The following NTN1 variants were observed in gnomAD, a reference collection of about 807,000 sequenced individuals.
NTN1 encodes the protein netrin 1.
A neutral mutation model predicts 54.2 loss-of-function variants in NTN1; 11 were observed. The ratio of observed to expected loss-of-function variants is 0.20; its 90% confidence interval spans 0.13 to 0.34. The LOEUF is 0.34. NTN1 is among the 10% of genes least tolerant of loss of function. The pLI is 1.00. For missense variants in NTN1, 740 were observed against 893.1 expected (o/e 0.83, Z 2.18); for synonymous variants, 371 against 382.0 (o/e 0.97, Z 0.33).
At chr17:9,142,708 G>A (rs1597503981) in intron 2 of NTN1, among the ~76,000 whole-genome samples, 1 of 151,994 alleles carries the variant, frequency 6.6e-6, no homozygotes, top group Admixed American at 6.6e-5. Flanking sequence ...TAGGCCCTGG[G>A]GTTAATCTGT....
chr17:9,119,763 A>G (rs1028995269), intron 2 of NTN1, among the ~76,000 whole-genome samples: 3 of 152,004 alleles, frequency 2.0e-5, no homozygotes, highest in Non-Finnish European at 4.4e-5. Context: ...CTCCTAAAGT[A>G]TTGGGATTAA....
chr17:9,090,605 G>A (rs540758275), intron 2 of NTN1, among the ~76,000 whole-genome samples: 56 of 152,248 alleles, frequency 3.7e-4, no homozygotes, highest in African/African-American at 1.3e-3. Flanking sequence ...TATAAAGGCT[G>A]AGAGTGCAGG....
At chr17:9,213,087 G>A (rs1170758620) in intron 5 of NTN1, among the ~76,000 whole-genome samples, 1 of 152,216 alleles carries the variant, frequency 6.6e-6, no homozygotes, top group East Asian at 1.9e-4. Context: ...GCTCTTGGCT[G>A]TGGGTCGGTC....
chr17:9,177,922 C>T (rs1411456569), intron 3 of NTN1: 1 of 152,246 alleles, frequency 6.6e-6, no homozygotes, highest in Non-Finnish European at 1.5e-5. Flanking sequence ...TGGCTGGTCG[C>T]GGTGGCTCAC....
At position 9,236,134 on chromosome 17, in the gene NTN1, G is replaced by T. The variant is rs375057891; in HGVS notation, c.1487-3506G>T. On this transcript the variant is annotated intron_variant, in intron 6 of 6. Coordinates refer to ENST00000173229, the MANE Select transcript of NTN1 (RefSeq NM_004822.3). ...TCCAACATAAGAATTTGGGGGGGGG[G>T]GTACTAACATTAAAACCTTGATAGG... Among the ~76,000 whole-genome samples, 766 of 147,852 alleles carry T rather than the reference G, an allele frequency of 5.2e-3. 10 individuals are homozygous for T. The highest frequency in any genetic ancestry group is 0.018 in the African/African-American group (738 of 40,122).
At chr17:9,224,360 T>TG (rs1156777232) in intron 6 of NTN1, among the ~76,000 whole-genome samples, 4 of 151,772 alleles carry the variant, frequency 2.6e-5, no homozygotes, top group Non-Finnish European at 5.9e-5. Context: ...CCCTGGGCAA[T>TG]GGGGGGCATC....
chr17:9,022,115 G>A (rs1466147861), intron 1 of NTN1, among the ~76,000 whole-genome samples, 196 bp from the exon 2 acceptor site: 1 of 152,138 alleles, frequency 6.6e-6, no homozygotes, highest in African/African-American at 2.4e-5. Flanking sequence ...GGGCGGGGAA[G>A]AAGGGGCGCG....
the NTN1 span, among the ~76,000 whole-genome samples, chr17:9,007,119 TC>T: frequency 2.0e-5 from 3 of 152,166 alleles, no homozygotes; most frequent in African/African-American, 4.8e-5. Context: ...TTTTCTTTTT[TC>T]TCTCTCTTTC....
chr17:9,075,622 T>C (rs1330622922), intron 2 of NTN1, among the ~76,000 whole-genome samples: 1 of 152,238 alleles, frequency 6.6e-6, no homozygotes, highest in African/African-American at 2.4e-5. Flanking sequence ...GGACGGCCTG[T>C]CAGCCTCTCC....
At chr17:9,038,265 C>CACACAAACACACA (rs55982115) in intron 2 of NTN1, among the ~76,000 whole-genome samples, 1 of 144,076 alleles carries the variant, frequency 6.9e-6, no homozygotes, top group Non-Finnish European at 1.5e-5. Flanking sequence ...TTCTCTCTCT[C>CACACAAACACACA]CACACACACA....
intron 2 of NTN1, among the ~76,000 whole-genome samples, chr17:9,082,878 T>C (rs1442436424): frequency 1.3e-5 from 2 of 152,110 alleles, no homozygotes; most frequent in South Asian, 4.1e-4. Flanking sequence ...TAGATACTTA[T>C]ATTATCAGTG....
chr17:9,099,501 T>C (rs1328271570), intron 2 of NTN1, among the ~76,000 whole-genome samples: 2 of 152,154 alleles, frequency 1.3e-5, no homozygotes, highest in African/African-American at 2.4e-5. Flanking sequence ...TTCCAGTTTT[T>C]TTCCTTCCTT....
At chr17:9,115,890 G>A (rs943412473) in intron 2 of NTN1, among the ~76,000 whole-genome samples, 1 of 152,256 alleles carries the variant, frequency 6.6e-6, no homozygotes, top group South Asian at 2.1e-4. Context: ...AAGGGATTTC[G>A]TGTTTCTCCC....
intron 2 of NTN1, among the ~76,000 whole-genome samples, chr17:9,150,850 C>T (rs1044543866): frequency 1.4e-4 from 22 of 152,312 alleles, no homozygotes; most frequent in African/African-American, 4.6e-4. Context: ...GGATGGCCCC[C>T]GCTGTCCACT....
chr17:9,227,068 C>T (rs945263527), intron 6 of NTN1, among the ~76,000 whole-genome samples: 2 of 152,154 alleles, frequency 1.3e-5, no homozygotes, highest in Non-Finnish European at 2.9e-5. Flanking sequence ...ATCCCGTCCC[C>T]GTGCTCCTGG....
At chr17:9,042,533 A>G (rs550134061) in intron 2 of NTN1, among the ~76,000 whole-genome samples, 2 of 150,720 alleles carry the variant, frequency 1.3e-5, no homozygotes, top group Admixed American at 1.3e-4. Flanking sequence ...TCACGCCTGT[A>G]ATCCCACCAC....
intron 3 of NTN1, among the ~76,000 whole-genome samples, chr17:9,163,477 AACACACACACACACACACACACACAC>A (rs55765967): frequency 0.71 from 101,277 of 142,844 alleles, 35,289 homozygotes; most frequent in East Asian, 0.84. Flanking sequence ...TCCCCCCCGA[AACACACACACACACACACACACACAC>A]ACACACACAC....
rs34188198 is a variant in NTN1, at chr17:9,114,166, AATAT to A, written c.1019-48630_1019-48627del. On this transcript the variant is annotated intron_variant, in intron 2 of 6. Transcript: ENST00000173229. Reference sequence around the variant, plus strand: ...GCCAAAAAAAAAGAAAAAAAAAAAAAATATATATATATATATATATGATTCAGCT... The same window carrying A: ...GCCAAAAAAAAAGAAAAAAAAAAAAAATATATATATATATATGATTCAGCT... Among the ~76,000 whole-genome samples, 87 of 74,630 alleles carry A rather than the reference AATAT, an allele frequency of 1.2e-3. 1 individual carries two copies. The highest frequency in any genetic ancestry group is 4.4e-3 in the African/African-American group (76 of 17,184). 49.0% of individuals were successfully genotyped at this position (74,630 alleles called of 152,430 possible). A position where few individuals can be genotyped will look rare whatever the true frequency, so the allele number is the denominator to read the frequency against.
chr17:9,167,170 C>T (rs1478329640), intron 3 of NTN1, among the ~76,000 whole-genome samples: 3 of 152,122 alleles, frequency 2.0e-5, no homozygotes, highest in African/African-American at 7.2e-5. Context: ...AAGCTGTTGT[C>T]CTATACAAAG....
Sources: allele counts gnomAD v4.1 joint callset (sites outside exome capture counted in the v4.1 genomes callset), GRCh38; gene constraint gnomAD v4.1.1; transcripts MANE v1.5; gene names NCBI Gene and HGNC (gene_info 2026-07-23, HGNC 2026-07-21).